TNKS: variants seen among roughly 807,000 people sequenced by gnomAD.
TNKS encodes the protein poly [ADP-ribose] polymerase tankyrase-1.
A neutral mutation model predicts 135.8 loss-of-function variants in TNKS; 72 were observed. That is an observed-to-expected ratio of 0.53 (90% CI 0.44 to 0.64). TNKS has a LOEUF of 0.64. Among genes scored for constraint, TNKS ranks in the 30% least tolerant of loss-of-function variants. The pLI, the probability that TNKS is intolerant of heterozygous loss-of-function variation, is 0.00. For synonymous variants in TNKS, 849 were observed against 649.3 expected (o/e 1.31, Z -4.68); for missense variants, 1,769 against 1,674.0 (o/e 1.06, Z -0.99).
At chr8:9,643,100 A>T (rs1177187680) in intron 3 of TNKS, among the ~76,000 whole-genome samples, 2 of 146,178 alleles carry the variant, frequency 1.4e-5, no homozygotes, top group African/African-American at 5.1e-5. Flanking sequence ...AAGCTTGAGA[A>T]GTCCATTTTT....
At chr8:9,764,548 A>C (rs1418624123) in intron 22 of TNKS, among the ~76,000 whole-genome samples, 168 bp from the exon 23 acceptor site, 1 of 152,180 alleles carries the variant, frequency 6.6e-6, no homozygotes, top group Non-Finnish European at 1.5e-5. Context: ...GCATAAATTT[A>C]ATATTTATGT....
At chr8:9,729,902 G>A (rs117410020) in intron 13 of TNKS, among the ~76,000 whole-genome samples, 13,679 of 150,198 alleles carry the variant, frequency 0.091, 735 homozygotes, top group South Asian at 0.17. Flanking sequence ...GCCTCCCAGC[G>A]AGTAGCTGGG....
At chr8:9,760,673 C>G (rs1030273948) in intron 20 of TNKS, among the ~76,000 whole-genome samples, 1 of 152,180 alleles carries the variant, frequency 6.6e-6, no homozygotes, top group Non-Finnish European at 1.5e-5. Flanking sequence ...CGCGTTCATC[C>G]TGTGTGTTCA....
chr8:9,745,315 A>G (rs1244051909), intron 17 of TNKS, among the ~76,000 whole-genome samples: 2 of 152,256 alleles, frequency 1.3e-5, no homozygotes, highest in African/African-American at 4.8e-5. Flanking sequence ...TAGTGATATT[A>G]TAATCCCAGA....
Position 9,751,722 on chromosome 8 carries a change from C to G in TNKS, c.2946C>G (p.Thr982=), listed in dbSNP as rs945268569. The G allele has an allele frequency of 1.2e-6, 2 of 1,614,066 alleles. No individual in the cohort carries two copies. Among genetic ancestry groups the G allele is most frequent in the African/African-American group, 1.3e-5 (1 of 74,906 alleles). The change falls in exon 19 of 27, where the codon ACC becomes ACG. Residue 982 remains threonine, a synonymous_variant. Coordinates refer to ENST00000310430, the MANE Select transcript of TNKS (RefSeq NM_003747.3). ...VSASLISPAS[T]PSCLSAASSI... is the part of the protein sequence containing the mutation. The stretch of plus-strand genomic sequence containing the variant: ...CCTCTCTGATCTCACCAGCATCCAC[C>G]CCCTCCTGCCTCTCGGCTGCCAGCA...
At position 9,668,143 on chromosome 8, in the gene TNKS, C is replaced by T. The variant is rs150034314; in HGVS notation, c.995-11808C>T. 2.1e-3 allele frequency among the ~76,000 whole-genome samples: 316 copies of T among 152,290 alleles called. 2 individuals carry two copies. Among genetic ancestry groups the T allele is most frequent in the African/African-American group, 6.8e-3 (282 of 41,568 alleles). On this transcript the variant is annotated intron_variant, in intron 3 of 26. Transcript: ENST00000310430. ...TCAGGTGTGTTGAGGAAAAATCATT[C>T]GGAATCATTTCTAAGAAATAACAGC...
intron 5 of TNKS, among the ~76,000 whole-genome samples, chr8:9,688,550 T>C (rs1345128384): frequency 1.3e-5 from 2 of 152,218 alleles, no homozygotes; most frequent in Admixed American, 6.5e-5. Context: ...AGAAATTTAT[T>C]TCTCACAGTT....
chr8:9,581,578 G>T (rs1161983723), intron 2 of TNKS, among the ~76,000 whole-genome samples: 1 of 152,194 alleles, frequency 6.6e-6, no homozygotes, highest in East Asian at 1.9e-4. Context: ...CTATTATTGA[G>T]CTTGGAATGT....
intron 2 of TNKS, among the ~76,000 whole-genome samples, chr8:9,589,465 T>C (rs1798507105): frequency 6.6e-6 from 1 of 152,250 alleles, no homozygotes; most frequent in South Asian, 2.1e-4. Flanking sequence ...CCAAGAACTT[T>C]AGCAGCAGAG....
chr8:9,621,748 T>G (rs544506271), intron 3 of TNKS, among the ~76,000 whole-genome samples: 1 of 152,324 alleles, frequency 6.6e-6, no homozygotes, highest in South Asian at 2.1e-4. Flanking sequence ...AAAGAATTAC[T>G]TATCAGTTAT....
In TNKS at chr8:9,779,334, T is replaced by C. The variant is rs1808367328; in HGVS notation, c.*2598T>C. ...TAAATTAGGCTGAAGTCTTTTATTT[T>C]TTGTATATGTACTATATAGAAATAC... On this transcript the variant is annotated 3_prime_UTR_variant, in exon 27 of 27. Coordinates refer to ENST00000310430, the MANE Select transcript of TNKS (RefSeq NM_003747.3). The C allele has an allele frequency of 6.6e-6, 1 of 152,604 alleles. No homozygotes were observed. The highest frequency in any genetic ancestry group is 1.5e-5 in the Non-Finnish European group (1 of 68,040). 9.5% of individuals were successfully genotyped at this position (152,604 alleles called of 1,614,324 possible). A position where few individuals can be genotyped will look rare whatever the true frequency, so the allele number is the denominator to read the frequency against.
chr8:9,660,061 CCAA>C (rs932704463), intron 3 of TNKS, among the ~76,000 whole-genome samples: 134 of 152,274 alleles, frequency 8.8e-4, no homozygotes, highest in African/African-American at 3.1e-3. Flanking sequence ...TCTGAATAGA[CCAA>C]CAACAGGCTC....
chr8:9,573,732 A>G (rs1440315749), intron 1 of TNKS, among the ~76,000 whole-genome samples: 1 of 152,226 alleles, frequency 6.6e-6, no homozygotes, highest in Non-Finnish European at 1.5e-5. Flanking sequence ...AGGTTAAAAG[A>G]TTAATAGTTC....
chr8:9,763,355 C>A, intron 22 of TNKS, 111 bp downstream of exon 22: 1 of 623,588 alleles, frequency 1.6e-6, no homozygotes, highest in South Asian at 3.0e-5. Flanking sequence ...GCCTATTAAT[C>A]AGTCTGTCTT....
chr8:9,616,503 T>C lies in TNKS; in HGVS notation c.994+826T>C, dbSNP rs147617462. On this transcript the variant is annotated intron_variant, in intron 3 of 26. Transcript: ENST00000310430. ...AGGTTATGTGAAAGTAAATGACTTT[T>C]AACTACCTTTTAAATTTGCCCATGG... Among the ~76,000 whole-genome samples the C allele has an allele frequency of 1.1e-4, 16 of 152,332 alleles. No homozygotes were observed. The East Asian group carries it at 2.9e-3, about 28-fold the overall frequency.
chr8:9,772,809 T>TTTGTGTGTGTGTG, intron 26 of TNKS, among the ~76,000 whole-genome samples: 2 of 86,694 alleles, frequency 2.3e-5, no homozygotes, highest in East Asian at 6.7e-4. Flanking sequence ...GTGTGTGTGT[T>TTTGTGTGTGTGTG]TGTGTGTGTG....
chr8:9,715,635 C>G (rs1238438880), intron 11 of TNKS, among the ~76,000 whole-genome samples: 2 of 151,970 alleles, frequency 1.3e-5, no homozygotes, highest in African/African-American at 2.4e-5. Flanking sequence ...TTCTCAGGAC[C>G]CAGAGCAAGG....
chr8:9,645,415 G>A (rs1800885314), intron 3 of TNKS, among the ~76,000 whole-genome samples: 1 of 152,148 alleles, frequency 6.6e-6, no homozygotes, highest in South Asian at 2.1e-4. Flanking sequence ...CAGGAAAGGA[G>A]TTGTCTGCAT....
chr8:9,727,142 C>G (rs1056276980), intron 13 of TNKS, among the ~76,000 whole-genome samples: 2 of 152,174 alleles, frequency 1.3e-5, no homozygotes, highest in African/African-American at 4.8e-5. Context: ...GATCTTTTCT[C>G]AGAGGTTCAC....
Sources: allele counts gnomAD v4.1 joint callset (sites outside exome capture counted in the v4.1 genomes callset), GRCh38; gene constraint gnomAD v4.1.1; transcripts MANE v1.5; gene names NCBI Gene and HGNC (gene_info 2026-07-23, HGNC 2026-07-21).